FREM3: variants seen among roughly 807,000 people sequenced by gnomAD.
FREM3 encodes FRAS1-related extracellular matrix protein 3.
FREM3 carries 105 observed loss-of-function variants against 129.1 expected under a neutral mutation model. The ratio of observed to expected loss-of-function variants is 0.81; its 90% CI spans 0.69 to 0.96. FREM3 has a LOEUF of 0.96. FREM3 is among the 40% of genes least tolerant of loss of function. The probability of loss-of-function intolerance (pLI) is 0.00; values close to 1 mark genes in which losing one functional copy is unlikely to be tolerated. For missense variants in FREM3, 2,593 were observed against 2,666.3 expected (o/e 0.97, Z 0.61); for synonymous variants, 1,014 against 1,044.9 (o/e 0.97, Z 0.57).
intron 2 of FREM3, among the ~76,000 whole-genome samples, chr4:143,673,323 AG>A (rs755701575): frequency 6.6e-6 from 1 of 152,188 alleles, no homozygotes; most frequent in Non-Finnish European, 1.5e-5. Context: ...CAGGACCCTA[AG>A]CTGCAGGTCT....
chr4:143,652,878 C>T (rs189350990), intron 2 of FREM3, among the ~76,000 whole-genome samples: 4 of 152,338 alleles, frequency 2.6e-5, no homozygotes, highest in African/African-American at 7.2e-5. Context: ...ATCCGCCTGC[C>T]TCGGCCTCCC....
At chr4:143,655,784 G>A (rs931509756) in intron 2 of FREM3, among the ~76,000 whole-genome samples, 28 of 152,182 alleles carry the variant, frequency 1.8e-4, no homozygotes, top group African/African-American at 4.8e-4. Flanking sequence ...CAAGGGGCAA[G>A]GACCAGGGGC....
rs181357528 is a variant in FREM3 at position 143,621,391 on chromosome 4, G to T, written c.5654-229C>A. 3.0e-3 allele frequency among the ~76,000 whole-genome samples: 454 copies of T among 152,296 alleles called. 1 individual carries two copies. The highest frequency in any genetic ancestry group is 5.2e-3 in the Non-Finnish European group (352 of 68,016). On this transcript the variant is annotated intron_variant, in intron 4 of 7. Transcript: ENST00000329798. ...TTTGAAAGGTTAGAAAGGACAGCCA[G>T]CATTAAAAAGGAAAACAAAAATCTT...
intron 6 of FREM3, among the ~76,000 whole-genome samples, chr4:143,590,714 C>G (rs1413285550): frequency 1.3e-5 from 2 of 152,068 alleles, no homozygotes; most frequent in African/African-American, 2.4e-5. Context: ...TTTGCTGTGT[C>G]TCTGCCAGGC....
chr4:143,668,847 C>T (rs868184333), intron 2 of FREM3, among the ~76,000 whole-genome samples: 1 of 152,218 alleles, frequency 6.6e-6, no homozygotes, highest in Non-Finnish European at 1.5e-5. Context: ...GAATCATTCT[C>T]ATACATGGAG....
At chr4:143,654,691 T>C (rs1739568540) in intron 2 of FREM3, among the ~76,000 whole-genome samples, 1 of 152,234 alleles carries the variant, frequency 6.6e-6, no homozygotes, top group Non-Finnish European at 1.5e-5. Flanking sequence ...TTGTGCAAGT[T>C]CTTCCTAAGC....
Position 143,698,925 on chromosome 4 carries a change from TCCAGCACAA to T in FREM3, c.1742_1750del (p.Phe581_Glu584delinsTer), listed in dbSNP as rs1740634945. 6.5e-7 allele frequency: 1 copy of T among 1,537,402 alleles called. No homozygotes were observed. The highest frequency in any genetic ancestry group is 1.2e-5 in the South Asian group (1 of 84,052). On this transcript the variant is annotated stop_gained and inframe_deletion, in exon 1 of 8. Transcript: ENST00000329798. LOFTEE classifies it high-confidence loss of function. Reference sequence around the variant, plus strand: ...CTCATTTCCTTTTAGGGGCTGGTTCTCCAGCACAAAGTGGATGGTTGAGTCCTCAGAGTC... The same window carrying T: ...CTCATTTCCTTTTAGGGGCTGGTTCTAGTGGATGGTTGAGTCCTCAGAGTC...
chr4:143,666,989 G>C (rs1217120682), intron 2 of FREM3, among the ~76,000 whole-genome samples: 3 of 151,990 alleles, frequency 2.0e-5, no homozygotes, highest in Non-Finnish European at 4.4e-5. Context: ...CAAGAAAACT[G>C]TTAAACAATT....
chr4:143,600,126 T>C lies in FREM3; in HGVS notation c.6028+11153A>G, dbSNP rs533078019. On this transcript the variant is annotated intron_variant, in intron 6 of 7. Coordinates refer to ENST00000329798, the MANE Select transcript of FREM3 (RefSeq NM_001168235.2). ...AAATCTTTCCAACTGGTTGTAGTGG[T>C]CTTATTAAATCTGACAGTGGCTAGC... is the stretch of plus-strand genomic sequence containing the variant. Among the ~76,000 whole-genome samples, 97 of 152,306 alleles carry C rather than the reference T, an allele frequency of 6.4e-4. 1 individual carries two copies. In the South Asian group the frequency reaches 8.1e-3, roughly 13 times the overall value.
chr4:143,644,202 C>T lies in FREM3; in HGVS notation c.5276-16442G>A, dbSNP rs1269940503. Among the ~76,000 whole-genome samples the T allele has an allele frequency of 1.5e-4, 22 of 150,326 alleles. 1 individual carries two copies. Among genetic ancestry groups the T allele is most frequent in the African/African-American group, 5.4e-4 (22 of 40,702 alleles). Reference sequence around the variant, plus strand: ...ATGTGTGTGTGTGTGTGTGTGTGTGCGCGTGTGCATTTGCACACGTGTTTC... The same window carrying T: ...ATGTGTGTGTGTGTGTGTGTGTGTGTGCGTGTGCATTTGCACACGTGTTTC... On this transcript the variant is annotated intron_variant, in intron 2 of 7. Coordinates refer to ENST00000329798, the MANE Select transcript of FREM3 (RefSeq NM_001168235.2).
chr4:143,700,515 C>T lies in FREM3; in HGVS notation c.161G>A (p.Gly54Asp). 6.6e-7 allele frequency: 1 copy of T among 1,517,310 alleles called. No homozygotes were observed. The highest frequency in any genetic ancestry group is 1.2e-5 in the South Asian group (1 of 81,724). 94.0% of individuals were successfully genotyped at this position (1,517,310 alleles called of 1,614,324 possible). ...CACGCTGGGGCCGTCGGGGCGAGTG[C>T]CGTCAAGCGCACCCCGGGCGGGCAG... ...LYLPARGALD[G>D]TRPDGPSVLI... Residue 54 changes from glycine (G) to aspartate (D), a missense_variant, in exon 1 of 8, where the codon GGC (glycine) becomes GAC (aspartate). By Grantham distance (94) the Gly-to-Asp change is moderately conservative. Transcript: ENST00000329798.
intron 2 of FREM3, among the ~76,000 whole-genome samples, chr4:143,669,363 T>A (rs753580757): frequency 1.3e-5 from 2 of 152,188 alleles, no homozygotes; most frequent in Non-Finnish European, 2.9e-5. Context: ...TGGAGTGCAG[T>A]GGCTTGGTCA....
At chr4:143,632,488 G>A (rs538158922) in intron 2 of FREM3, among the ~76,000 whole-genome samples, 2 of 152,232 alleles carry the variant, frequency 1.3e-5, no homozygotes, top group African/African-American at 4.8e-5. Flanking sequence ...TTCTGTCATG[G>A]TCAAAGGCTA....
rs954671785 is a variant in FREM3, at chr4:143,696,921, A to G, written c.3755T>C (p.Ile1252Thr). The change falls in exon 1 of 8, where the codon ATC (isoleucine) becomes ACC (threonine). Residue 1252 changes from isoleucine to threonine, a missense_variant. Ile to Thr is a moderately conservative substitution (Grantham distance 89). Around this residue, in one of 2 missense-constraint regions of FREM3, gnomAD observed 2,276 missense variants for 2,267.2 expected, o/e 1.00. Coordinates refer to ENST00000329798, the MANE Select transcript of FREM3 (RefSeq NM_001168235.2). ...GATCTCCTTGAGGGTGAAGCTGTGG[A>G]TGGGCTGGCTGCCTGTAGCCAGCTG... ...IQQLATGSQP[I>T]HSFTLKEIQE... 15 of 1,537,310 alleles carry G rather than the reference A, an allele frequency of 9.8e-6. No individual in the cohort carries two copies. In the African/African-American group the frequency reaches 1.5e-4, roughly 15 times the overall value.
At chr4:143,678,937 C>A (rs1217824452) in intron 2 of FREM3, among the ~76,000 whole-genome samples, 1 of 152,098 alleles carries the variant, frequency 6.6e-6, no homozygotes, top group East Asian at 1.9e-4. Flanking sequence ...CATAAAAAAA[C>A]TCTTACATGT....
Position 143,696,859 on chromosome 4 carries a change from A to G in FREM3, c.3817T>C (p.Ser1273Pro). Residue 1273 changes from serine to proline, a missense_variant, in exon 1 of 8, where the codon TCA becomes CCA. By Grantham distance (74) the Ser-to-Pro change is moderately conservative. Around this residue, in one of 2 missense-constraint regions of FREM3, gnomAD observed 2,276 missense variants for 2,267.2 expected, o/e 1.00. Coordinates refer to ENST00000329798, the MANE Select transcript of FREM3 (RefSeq NM_001168235.2). ...ASTIVYEHDD[S>P]ETKEDSFEVW... ...TCAAAACTGTCCTCTTTTGTCTCTG[A>G]GTCATCATGCTCATACACAATGGTG... is the stretch of plus-strand genomic sequence containing the variant. 3 of 1,537,636 alleles carry G rather than the reference A, an allele frequency of 2.0e-6. No individual in the cohort carries two copies. Among genetic ancestry groups the G allele is most frequent in the Non-Finnish European group, 2.6e-6 (3 of 1,147,010 alleles).
chr4:143,606,367 G>C (rs1016169647), intron 6 of FREM3, among the ~76,000 whole-genome samples: 3 of 127,960 alleles, frequency 2.3e-5, no homozygotes, highest in African/African-American at 9.4e-5. Flanking sequence ...ATGGAATATA[G>C]TAACTTTTTT....
chr4:143,632,147 T>G (rs1212787777), intron 2 of FREM3, among the ~76,000 whole-genome samples: 1 of 152,178 alleles, frequency 6.6e-6, no homozygotes, highest in Non-Finnish European at 1.5e-5. Context: ...CCAATATTTA[T>G]TGAATACCTG....
intron 2 of FREM3, among the ~76,000 whole-genome samples, chr4:143,642,824 G>A (rs1461566874): frequency 1.3e-5 from 2 of 150,438 alleles, no homozygotes; most frequent in Non-Finnish European, 3.0e-5. Context: ...CACAGCAAAG[G>A]AAACAATCTA....
Sources: allele counts gnomAD v4.1 joint callset (sites outside exome capture counted in the v4.1 genomes callset), GRCh38; gene constraint gnomAD v4.1.1; regional missense constraint gnomAD v4.1.1; transcripts MANE v1.5; gene names NCBI Gene and HGNC (gene_info 2026-07-23, HGNC 2026-07-21).